EYA2: variants seen among roughly 807,000 people sequenced by gnomAD.
The protein encoded by EYA2 is EYA transcriptional coactivator and phosphatase 2, also known as protein phosphatase EYA2.
In EYA2, 31 loss-of-function variants were observed where a neutral mutation model predicts 69.2. The ratio of observed to expected loss-of-function variants is 0.45; its 90% confidence interval spans 0.34 to 0.60. EYA2 has a LOEUF of 0.60. Ranked by LOEUF, EYA2 falls within the 20% of genes least tolerant of loss-of-function variation. The pLI is 0.02. For synonymous variants in EYA2, 257 were observed against 279.4 expected, an observed-to-expected ratio of 0.92 and a Z score of 0.80; for missense variants, 622 against 701.2, an observed-to-expected ratio of 0.89 and a Z score of 1.28.
At chr20:47,002,959 C>G (rs961930520) in intron 3 of EYA2, among the ~76,000 whole-genome samples, 7 of 152,232 alleles carry the variant, frequency 4.6e-5, no homozygotes, top group African/African-American at 1.4e-4. Flanking sequence ...TAAACTTTTG[C>G]ATTCACCTGC....
At chr20:47,166,850 G>A (rs1384580650) in intron 10 of EYA2, 2 of 152,334 alleles carry the variant, frequency 1.3e-5, no homozygotes, top group Non-Finnish European at 2.9e-5. Context: ...CACACACTGG[G>A]AAGCGGTTGG....
At chr20:47,171,499 C>T (rs1475754811) in intron 11 of EYA2, among the ~76,000 whole-genome samples, 1 of 152,094 alleles carries the variant, frequency 6.6e-6, no homozygotes, top group Non-Finnish European at 1.5e-5. Context: ...CATGGGATAA[C>T]TCATTGCATA....
chr20:46,971,389 G>T (rs560750719), intron 1 of EYA2, among the ~76,000 whole-genome samples: 1 of 152,172 alleles, frequency 6.6e-6, no homozygotes, highest in African/African-American at 2.4e-5. Flanking sequence ...ATCACATGAC[G>T]TTCTATCCAA....
intron 1 of EYA2, among the ~76,000 whole-genome samples, chr20:46,958,736 T>C (rs1306790780): frequency 6.6e-6 from 1 of 152,188 alleles, no homozygotes; most frequent in Non-Finnish European, 1.5e-5. Context: ...TGTCCCCCTC[T>C]GTGTGTCCAT....
intron 1 of EYA2, among the ~76,000 whole-genome samples, chr20:46,969,218 G>GT (rs1979979215): frequency 2.0e-5 from 3 of 149,290 alleles, no homozygotes; most frequent in African/African-American, 7.7e-5. Flanking sequence ...TTTTGTTTTT[G>GT]GTTTTTTTTT....
In EYA2 at chr20:46,993,525, G is replaced by A. The variant is rs1206790; in HGVS notation, c.109+3406G>A. Among the ~76,000 whole-genome samples, 842 of 152,326 alleles carry A rather than the reference G, an allele frequency of 5.5e-3. 6 individuals are homozygous for A. The highest frequency in any genetic ancestry group is 0.019 in the African/African-American group (794 of 41,566). On this transcript the variant is annotated intron_variant, in intron 2 of 15. Coordinates refer to ENST00000327619, the MANE Select transcript of EYA2 (RefSeq NM_005244.5). Reference sequence around the variant, plus strand: ...GAGGTCTTTCCTAATGAAAGGAACTGCCCCTTCCTTCATTCATTTGTTCAT... The same window carrying A: ...GAGGTCTTTCCTAATGAAAGGAACTACCCCTTCCTTCATTCATTTGTTCAT...
At chr20:46,919,092 A>T (rs1489460012) in intron 1 of EYA2, among the ~76,000 whole-genome samples, 1 of 152,246 alleles carries the variant, frequency 6.6e-6, no homozygotes, top group Non-Finnish European at 1.5e-5. Flanking sequence ...GTAAGCAGAC[A>T]TGCTGTCATC....
chr20:46,922,524 A>G (rs1474882253), intron 1 of EYA2, among the ~76,000 whole-genome samples: 2 of 152,256 alleles, frequency 1.3e-5, no homozygotes, highest in Non-Finnish European at 2.9e-5. Flanking sequence ...TTAGAGCATC[A>G]AATAGTGAAT....
intron 9 of EYA2, among the ~76,000 whole-genome samples, chr20:47,102,125 A>G (rs2032440050): frequency 6.6e-6 from 1 of 152,158 alleles, no homozygotes; most frequent in Non-Finnish European, 1.5e-5. Context: ...CTCTTAGCCA[A>G]TTTTCTCCAT....
At chr20:46,955,520 A>G (rs1234891848) in intron 1 of EYA2, among the ~76,000 whole-genome samples, 2 of 152,238 alleles carry the variant, frequency 1.3e-5, no homozygotes, top group East Asian at 1.9e-4. Context: ...CATGCTTATC[A>G]TAGAGCAATA....
In EYA2 at chr20:47,045,782, G is replaced by A. The variant is rs150393433; in HGVS notation, c.416-26403G>A. ...TGGTATATGCGGGTTTGGGAGTAGT[G>A]TTAGGGTATATTTCCAGCTTCTATA... On this transcript the variant is annotated intron_variant, in intron 5 of 15. Transcript: ENST00000327619. Among the ~76,000 whole-genome samples the A allele has an allele frequency of 2.6e-5, 4 of 152,300 alleles. No homozygotes were observed. The East Asian group carries it at 5.8e-4, about 22-fold the overall frequency.
chr20:46,963,161 C>T (rs191858106), intron 1 of EYA2, among the ~76,000 whole-genome samples: 27 of 152,342 alleles, frequency 1.8e-4, no homozygotes, highest in African/African-American at 6.5e-4. Flanking sequence ...TCTCTTATCG[C>T]ATCCCCAGTC....
intron 1 of EYA2, among the ~76,000 whole-genome samples, chr20:46,958,685 C>T (rs761865155): frequency 3.9e-5 from 6 of 152,128 alleles, no homozygotes; most frequent in Non-Finnish European, 5.9e-5. Context: ...TGAGCCTCTC[C>T]CACCTCCCAC....
rs185260672 is a variant in EYA2 at position 46,906,344 on chromosome 20, G to A, written c.-11+11357G>A. 1.3e-4 allele frequency among the ~76,000 whole-genome samples: 20 copies of A among 152,238 alleles called. No individual in the cohort carries two copies. The East Asian group carries it at 2.1e-3, about 16-fold the overall frequency. On this transcript the variant is annotated intron_variant, in intron 1 of 15. Coordinates refer to ENST00000327619, the MANE Select transcript of EYA2 (RefSeq NM_005244.5). ...AAACTCATCCCCGCAGGCTGCGTACGACAAATTCCACCCAAATACCCAGAA... is the reference window on the plus strand; with the variant it reads ...AAACTCATCCCCGCAGGCTGCGTACAACAAATTCCACCCAAATACCCAGAA...
At chr20:47,078,635 G>T (rs1291494980) in intron 7 of EYA2, among the ~76,000 whole-genome samples, 1 of 152,244 alleles carries the variant, frequency 6.6e-6, no homozygotes, top group East Asian at 1.9e-4. Flanking sequence ...AGGGCAATTT[G>T]CTGATATAGA....
rs547016126 is a variant in EYA2, at chr20:47,071,095, C to T, written c.416-1090C>T. 1.6e-3 allele frequency among the ~76,000 whole-genome samples: 246 copies of T among 152,180 alleles called. 1 individual carries two copies. The highest frequency in any genetic ancestry group is 1.1e-3 in the Non-Finnish European group (77 of 68,012). ...CACAGTCTTGGCTCGCTGCTACCTC[C>T]GCCTCCCGAGTTCAAGCAGTTCTCC... On this transcript the variant is annotated intron_variant, in intron 5 of 15. Transcript: ENST00000327619.
chr20:47,180,866 G>T lies in EYA2; in HGVS notation c.1365G>T (p.Leu455=). The change falls in exon 14 of 16, where the codon CTG becomes CTT. Residue 455 remains leucine, a synonymous_variant. Transcript: ENST00000327619. ...CCACCACTCAACTAATTCCTGCCCT[G>T]GCCAAAGTCCTGCTATATGGCCTGG... is the stretch of plus-strand genomic sequence containing the variant. ...LVTTTQLIPA[L]AKVLLYGLGS... is the part of the protein sequence containing the mutation. 2 of 1,614,216 alleles carry T rather than the reference G, an allele frequency of 1.2e-6. No individual in the cohort carries two copies. The highest frequency in any genetic ancestry group is 1.7e-6 in the Non-Finnish European group (2 of 1,180,046).
chr20:47,167,067 T>C (rs1190138726), intron 10 of EYA2: 2 of 154,648 alleles, frequency 1.3e-5, no homozygotes, highest in African/African-American at 4.8e-5. Flanking sequence ...CAGGTGTGCA[T>C]CGTGTAGGCT....
chr20:47,011,661 C>T (rs923639187), intron 4 of EYA2, among the ~76,000 whole-genome samples: 1 of 151,940 alleles, frequency 6.6e-6, no homozygotes, highest in Non-Finnish European at 1.5e-5. Flanking sequence ...TGCTCCTTTG[C>T]TTCCTTCAGG....
Sources: allele counts gnomAD v4.1 joint callset (sites outside exome capture counted in the v4.1 genomes callset), GRCh38; gene constraint gnomAD v4.1.1; transcripts MANE v1.5; gene names NCBI Gene and HGNC (gene_info 2026-07-23, HGNC 2026-07-21).